DAZL: variants seen among roughly 807,000 people sequenced by gnomAD.
The protein encoded by DAZL is deleted in azoospermia-like.
In DAZL, 4 loss-of-function variants were observed where a neutral mutation model predicts 45.0. That is an observed-to-expected ratio of 0.09 (90% CI 0.04 to 0.20). The LOEUF (loss-of-function observed/expected upper bound fraction) is 0.20. DAZL is among the 10% of genes least tolerant of loss of function. The pLI, the probability that DAZL is intolerant of heterozygous loss-of-function variation, is 1.00. For synonymous variants in DAZL, 122 were observed against 112.4 expected, an observed-to-expected ratio of 1.09 and a Z score of -0.54; for missense variants, 326 against 351.3, an observed-to-expected ratio of 0.93 and a Z score of 0.58.
At chr3:16,601,577 T>C (rs1280245424) in intron 1 of DAZL, among the ~76,000 whole-genome samples, 1 of 152,186 alleles carries the variant, frequency 6.6e-6, no homozygotes, top group Non-Finnish European at 1.5e-5. Flanking sequence ...TAGACAAACT[T>C]TGGTGAAACC....
At chr3:16,588,826 T>C (rs753618652) in intron 10 of DAZL, 113 bp from the exon 11 acceptor site, 7 of 814,092 alleles carry the variant, frequency 8.6e-6, no homozygotes, top group Non-Finnish European at 1.5e-5. Flanking sequence ...ACATTATAAA[T>C]AATGAGAAAA....
intron 1 of DAZL, chr3:16,604,586 A>G: frequency 7.1e-7 from 1 of 1,410,122 alleles, no homozygotes; most frequent in East Asian, 2.6e-5. Flanking sequence ...CCATGCCTTC[A>G]GGACGCCCCA....
At chr3:16,595,728 T>C (rs1162484115) in intron 6 of DAZL, among the ~76,000 whole-genome samples, 2 of 147,108 alleles carry the variant, frequency 1.4e-5, no homozygotes, top group African/African-American at 2.5e-5. Context: ...GTTAAATTAA[T>C]ACATTTGCTA....
intron 10 of DAZL, among the ~76,000 whole-genome samples, chr3:16,591,011 T>C (rs1694509859): frequency 6.6e-6 from 1 of 152,222 alleles, no homozygotes; most frequent in African/African-American, 2.4e-5. Context: ...ATTGTATTAC[T>C]GGTATCTCAA....
intron 1 of DAZL, among the ~76,000 whole-genome samples, chr3:16,603,400 G>A (rs936005532): frequency 2.0e-5 from 3 of 151,416 alleles, no homozygotes; most frequent in Admixed American, 6.6e-5. Flanking sequence ...CTAGGCTGGA[G>A]TGCAGTGGCA....
chr3:16,589,422 G>A (rs1329811586), intron 10 of DAZL, among the ~76,000 whole-genome samples: 1 of 152,212 alleles, frequency 6.6e-6, no homozygotes, highest in East Asian at 1.9e-4. Flanking sequence ...AATAAAAGTG[G>A]CTTCTGGAAG....
Position 16,587,061 on chromosome 3 carries a change from A to G in DAZL, c.*1599T>C, listed in dbSNP as rs572458883. On this transcript the variant is annotated 3_prime_UTR_variant, in exon 11 of 11. Coordinates refer to ENST00000399444, the MANE Select transcript of DAZL (RefSeq NM_001351.4). Reference sequence around the variant, plus strand: ...AAGCTGGAGATTTAATCACAGAATGATATGTGTCAGAATGTTATAGCACCA... The same window carrying G: ...AAGCTGGAGATTTAATCACAGAATGGTATGTGTCAGAATGTTATAGCACCA... 7 of 152,268 alleles carry G rather than the reference A, an allele frequency of 4.6e-5. No homozygotes were observed. Among genetic ancestry groups the G allele is most frequent in the South Asian group, 2.1e-4 (1 of 4,828 alleles). The allele number at this position is 152,268 out of a possible 1,614,324, so 9.4% of individuals were successfully genotyped here.
At chr3:16,600,529 G>A (rs929077601) in intron 1 of DAZL, among the ~76,000 whole-genome samples, 6 of 152,016 alleles carry the variant, frequency 3.9e-5, no homozygotes, top group African/African-American at 1.4e-4. Flanking sequence ...AATGTCTTAC[G>A]TTGTTTTTCT....
In DAZL at chr3:16,596,853, T is replaced by C. The variant is rs202014772; in HGVS notation, c.395A>G (p.Asn132Ser). 7.5e-5 allele frequency: 121 copies of C among 1,613,872 alleles called. No individual in the cohort carries two copies. Among genetic ancestry groups the C allele is most frequent in the Middle Eastern group, 6.6e-4 (4 of 6,058 alleles). ...CTGAAACTGTGGTGGAGGAGGATGA[T>C]TAAAAACCAAAGGACGTGGCTGCAC... Reference protein sequence around the residue: ...YHVQPRPLVFNHPPPPQFQNV... With the variant: ...YHVQPRPLVFSHPPPPQFQNV... Residue 132 changes from asparagine (N) to serine (S), a missense_variant, in exon 6 of 11, where the codon AAT becomes AGT. By Grantham distance (46) the Asn-to-Ser change is conservative (BLOSUM62 1). This residue lies in a region of DAZL where 227 missense variants were observed against 216.6 expected (regional missense o/e 1.05). Transcript: ENST00000399444.
rs1559403192 is a variant in DAZL, at chr3:16,597,025, C to G, written c.321G>C (p.Lys107Asn). 1.9e-6 allele frequency: 3 copies of G among 1,611,782 alleles called. No homozygotes were observed. The highest frequency in any genetic ancestry group is 1.3e-5 in the African/African-American group (1 of 74,858). Residue 107 changes from lysine to asparagine, a missense_variant, in exon 5 of 11, where the codon AAG becomes AAC. This residue lies in a region of DAZL where 18 missense variants were observed against 45.0 expected (regional missense o/e 0.40). Transcript: ENST00000399444. ...VESQINFHGK[K>N]LKLGPAIRKQ... ...TCCTGATTGCAGGGCCCAGCTTCAGCTTTTTACCATGGAAATTTATCTGTG... is the reference window on the plus strand; with the variant it reads ...TCCTGATTGCAGGGCCCAGCTTCAGGTTTTTACCATGGAAATTTATCTGTG...
chr3:16,594,436 A>T, intron 8 of DAZL, 97 bp downstream of exon 8: 2 of 869,502 alleles, frequency 2.3e-6, no homozygotes, highest in Non-Finnish European at 3.5e-6. Flanking sequence ...TTAAAAATAT[A>T]GGCATATATG....
Position 16,588,727 on chromosome 3 carries a change from A to AG in DAZL, c.835-15_835-14insC, listed in dbSNP as rs775587198. On this transcript the variant is annotated splice_polypyrimidine_tract_variant and intron_variant, in intron 10 of 10. Transcript: ENST00000399444. Reference sequence around the variant, plus strand: ...CACTCTTTTATCCTGGAAAAGACAGAAAGAGTCCTTTTACTTTACTGAAAA... The same window carrying AG: ...CACTCTTTTATCCTGGAAAAGACAGAGAAGAGTCCTTTTACTTTACTGAAAA... The AG allele has an allele frequency of 2.5e-6, 4 of 1,608,316 alleles. No homozygotes were observed. In the African/African-American group the frequency reaches 5.3e-5, roughly 21 times the overall value.
At chr3:16,592,213 T>C in intron 9 of DAZL, 65 bp from the exon 10 acceptor site, 3 of 1,579,434 alleles carry the variant, frequency 1.9e-6, no homozygotes, top group Non-Finnish European at 2.6e-6. Context: ...TAAGGGTTTT[T>C]TTTTGATAGT....
chr3:16,594,851 G>A (rs540131740), intron 7 of DAZL, among the ~76,000 whole-genome samples: 3 of 152,134 alleles, frequency 2.0e-5, no homozygotes, highest in African/African-American at 7.2e-5. Context: ...TATTACCATA[G>A]ATATGATTAT....
At chr3:16,594,503 G>C (rs778676425) in intron 8 of DAZL, 30 bp downstream of exon 8, 1 of 1,512,500 alleles carries the variant, frequency 6.6e-7, no homozygotes. Context: ...TAAAATAACA[G>C]GAATTATATG....
At chr3:16,589,994 C>T (rs1413804719) in intron 10 of DAZL, among the ~76,000 whole-genome samples, 3 of 151,972 alleles carry the variant, frequency 2.0e-5, no homozygotes, top group South Asian at 2.1e-4. Flanking sequence ...GGATCCCTTG[C>T]GTCAGGAGTT....
Position 16,593,687 on chromosome 3 carries a change from C to T in DAZL, c.703G>A (p.Ala235Thr). Residue 235 changes from alanine to threonine, a missense_variant, in exon 9 of 11, where the codon GCT becomes ACT. Transcript: ENST00000399444. The part of the protein sequence containing the change: ...VVPNECSVHE[A>T]TPPSGNGPQK... ...GGGCCATTTCCAGAGGGTGGAGTAG[C>T]TTCATGAACTGAACATTCATTTGGC... 1.9e-6 allele frequency: 3 copies of T among 1,612,128 alleles called. No homozygotes were observed. The highest frequency in any genetic ancestry group is 1.1e-5 in the South Asian group (1 of 90,706).
intron 8 of DAZL, 70 bp downstream of exon 8, chr3:16,594,463 A>C (rs1465738048): frequency 1.7e-6 from 2 of 1,167,490 alleles, no homozygotes. Flanking sequence ...AAAACAATCA[A>C]GAAATATAGT....
Position 16,605,394 on chromosome 3 carries a change from G to T in DAZL, c.-189C>A. On this transcript the variant is annotated 5_prime_UTR_variant, in exon 1 of 11. Transcript: ENST00000399444. ...CAAGGCTGAGGAGCCCCGAAAGGCGGACCGTCAGGCTGAGGAGCGCAGGCG... is the reference window on the plus strand; with the variant it reads ...CAAGGCTGAGGAGCCCCGAAAGGCGTACCGTCAGGCTGAGGAGCGCAGGCG... The T allele has an allele frequency of 1.4e-6, 1 of 714,800 alleles. No homozygotes were observed. Among genetic ancestry groups the T allele is most frequent in the South Asian group, 1.6e-5 (1 of 60,880 alleles). 44.3% of individuals were successfully genotyped at this position (714,800 alleles called of 1,614,324 possible).
Sources: allele counts gnomAD v4.1 joint callset (sites outside exome capture counted in the v4.1 genomes callset), GRCh38; gene constraint gnomAD v4.1.1; regional missense constraint gnomAD v4.1.1; transcripts MANE v1.5; gene names NCBI Gene and HGNC (gene_info 2026-07-23, HGNC 2026-07-21).